PEAR1: variants seen among roughly 807,000 people sequenced by gnomAD.
PEAR1 encodes the protein platelet endothelial aggregation receptor 1, also known as multiple EGF-like domains protein 12.
PEAR1 carries 113 observed loss-of-function variants against 131.2 expected under a neutral mutation model. That is an observed-to-expected ratio of 0.86 (90% CI 0.74 to 1.01). The LOEUF (loss-of-function observed/expected upper bound fraction) is 1.01, where lower values mean the gene tolerates loss of function less well. Among genes scored for constraint, PEAR1 ranks in the 50% least tolerant of loss-of-function variants. The pLI is 0.00. For missense variants in PEAR1, 1,408 were observed against 1,391.1 expected (o/e 1.01, Z -0.19); for synonymous variants, 565 against 523.3 (o/e 1.08, Z -1.09).
chr1:156,904,623 C>T (rs544638837), intron 2 of PEAR1, 125 bp from the exon 3 acceptor site: 63 of 975,118 alleles, frequency 6.5e-5, no homozygotes, highest in African/African-American at 4.3e-4. Context: ...TCCTAGGCTA[C>T]GAGAGCAGCC....
chr1:156,913,169 C>A (rs748594873), intron 18 of PEAR1, 25 bp from the exon 19 acceptor site: 1 of 1,608,144 alleles, frequency 6.2e-7, no homozygotes, highest in Non-Finnish European at 8.5e-7. Flanking sequence ...GCTGAGCTCA[C>A]CCTGTGCTTG....
In PEAR1 at chr1:156,907,640, T is replaced by C; in HGVS notation, c.675T>C (p.Ser225=). The C allele has an allele frequency of 1.2e-6, 2 of 1,613,974 alleles. No homozygotes were observed. Among genetic ancestry groups the C allele is most frequent in the Non-Finnish European group, 1.7e-6 (2 of 1,179,876 alleles). ...SCDVSCSQGT[S]GFFCPSTHSC... ...ACGTGTCCTGTTCCCAGGGCACTTCTGGCTTCTTCTGCCCCAGCACCCATT... is the reference window on the plus strand; with the variant it reads ...ACGTGTCCTGTTCCCAGGGCACTTCCGGCTTCTTCTGCCCCAGCACCCATT... The change falls in exon 7 of 23, where the codon TCT becomes TCC. Residue 225 remains serine, a synonymous_variant. Coordinates refer to ENST00000292357, the MANE Select transcript of PEAR1 (RefSeq NM_001080471.3).
chr1:156,911,717 A>G (rs1651230125), intron 15 of PEAR1, among the ~76,000 whole-genome samples: 1 of 152,212 alleles, frequency 6.6e-6, no homozygotes, highest in South Asian at 2.1e-4. Flanking sequence ...ATTAGTCCAA[A>G]AAAGCCAAGT....
At chr1:156,903,250 A>G (rs915280988) in intron 1 of PEAR1, among the ~76,000 whole-genome samples, 5 of 152,140 alleles carry the variant, frequency 3.3e-5, no homozygotes, top group Admixed American at 6.5e-5. Context: ...TAGAGCAGGA[A>G]ACCCCTGACA....
At chr1:156,910,799 G>T in intron 15 of PEAR1, 56 bp downstream of exon 15, 1 of 1,602,406 alleles carries the variant, frequency 6.2e-7, no homozygotes, top group Non-Finnish European at 8.5e-7. Context: ...GGGTGCTGAG[G>T]ACGGGAGGTC....
intron 14 of PEAR1, 91 bp from the exon 15 acceptor site, chr1:156,910,527 C>G: frequency 1.3e-6 from 2 of 1,569,120 alleles, no homozygotes; most frequent in Non-Finnish European, 1.7e-6. Context: ...AGACTAGTTA[C>G]TGCAGTGGGA....
At chr1:156,910,426 G>C (rs1353871030) in intron 14 of PEAR1, 46 bp downstream of exon 14, 2 of 1,555,512 alleles carry the variant, frequency 1.3e-6, no homozygotes, top group South Asian at 1.2e-5. Context: ...GCAGGGGGCA[G>C]TGTAGTGTCA....
chr1:156,905,272 G>C, intron 3 of PEAR1, 52 bp from the exon 4 acceptor site: 1 of 1,560,010 alleles, frequency 6.4e-7, no homozygotes. Context: ...GCCACACTGT[G>C]GTGAGTGCGG....
At position 156,908,937 on chromosome 1, in the gene PEAR1, T is replaced by A; in HGVS notation, c.1312T>A (p.Cys438Ser). The A allele has an allele frequency of 6.2e-7, 1 of 1,613,850 alleles. No individual in the cohort carries two copies. The highest frequency in any genetic ancestry group is 8.5e-7 in the Non-Finnish European group (1 of 1,179,964). ...GYTGPHCASL[C>S]PPDTYGVNCS... Reference sequence around the variant, plus strand: ...TCAGGGCCCTCACTGTGCTAGTCTTTGTCCTCCTGACACCTACGGTGTCAA... The same window carrying A: ...TCAGGGCCCTCACTGTGCTAGTCTTAGTCCTCCTGACACCTACGGTGTCAA... The change falls in exon 11 of 23, where the codon TGT becomes AGT. Residue 438 changes from cysteine to serine, a missense_variant. Coordinates refer to ENST00000292357, the MANE Select transcript of PEAR1 (RefSeq NM_001080471.3). This position sits in a 1 kb window ranked among gnomAD's most constrained non-coding sequence, Gnocchi z 4.2.
chr1:156,913,947 G>C lies in PEAR1; in HGVS notation c.2809G>C (p.Gly937Arg). ...TIRDLPSLPG[G>R]PRESSYMEMK... ...CCGGGACCTGCCCAGCTTGCCAGGG[G>C]GCCCCCGGGAGAGCAGCTACATGGA... is the stretch of plus-strand genomic sequence containing the variant. The change falls in exon 22 of 23, where the codon GGC becomes CGC. Residue 937 changes from glycine to arginine, a missense_variant. Transcript: ENST00000292357. The C allele has an allele frequency of 6.2e-7, 1 of 1,614,062 alleles. No homozygotes were observed. Among genetic ancestry groups the C allele is most frequent in the Non-Finnish European group, 8.5e-7 (1 of 1,180,020 alleles).
chr1:156,906,754 A>T lies in PEAR1; in HGVS notation c.518A>T (p.Asn173Ile). The T allele has an allele frequency of 6.2e-7, 1 of 1,614,150 alleles. No individual in the cohort carries two copies. Among genetic ancestry groups the T allele is most frequent in the Middle Eastern group, 1.6e-4 (1 of 6,062 alleles). ...CSCPSGLQPPNCLQPCTPGYY... is the reference protein window; with the variant it reads ...CSCPSGLQPPICLQPCTPGYY... Reference sequence around the variant, plus strand: ...TGCCCTTCTGGTCTGCAGCCCCCGAACTGCCTTCAGCCCTGTACCCCTGGC... The same window carrying T: ...TGCCCTTCTGGTCTGCAGCCCCCGATCTGCCTTCAGCCCTGTACCCCTGGC... Residue 173 changes from asparagine (N) to isoleucine (I), a missense_variant, in exon 6 of 23, where the codon AAC becomes ATC. By Grantham distance (149) the Asn-to-Ile change is moderately radical. Transcript: ENST00000292357.
At chr1:156,910,430 A>C (rs1167925746) in intron 14 of PEAR1, 50 bp downstream of exon 14, 16 of 1,552,950 alleles carry the variant, frequency 1.0e-5, no homozygotes, top group Non-Finnish European at 1.4e-5. Context: ...GGGGCAGTGT[A>C]GTGTCAGCTG....
Position 156,910,368 on chromosome 1 carries a change from T to G in PEAR1, c.1813T>G (p.Ser605Ala), listed in dbSNP as rs1418974076. Residue 605 changes from serine (S) to alanine (A), a missense_variant, in exon 14 of 23, where the codon TCC becomes GCC. Ser to Ala is a moderately conservative substitution (Grantham distance 99). Coordinates refer to ENST00000292357, the MANE Select transcript of PEAR1 (RefSeq NM_001080471.3). ...GTGTGCACCCGGATTCCGGGGCCCC[T>G]CCTGCCAGAGATGTGAGGCTCCCTA... The part of the protein sequence containing the change: ...CVCAPGFRGP[S>A]CQRSCQPGRY... 6.3e-7 allele frequency: 1 copy of G among 1,597,824 alleles called. No individual in the cohort carries two copies. Among genetic ancestry groups the G allele is most frequent in the South Asian group, 1.1e-5 (1 of 87,898 alleles).
At chr1:156,910,450 C>A (rs1041897355) in intron 14 of PEAR1, 70 bp downstream of exon 14, 1 of 1,544,884 alleles carries the variant, frequency 6.5e-7, no homozygotes, top group Non-Finnish European at 8.7e-7. Flanking sequence ...GCCAGAGCAC[C>A]CCTCCCCCCG....
At position 156,909,852 on chromosome 1, in the gene PEAR1, C is replaced by T; in HGVS notation, c.1513C>T (p.Gln505Ter). Residue 505 changes from glutamine (Q) to a stop codon, truncating the protein, a stop_gained, in exon 12 of 23, where the codon CAA becomes TAA. Coordinates refer to ENST00000292357, the MANE Select transcript of PEAR1 (RefSeq NM_001080471.3). LOFTEE classifies it high-confidence loss of function. The part of the protein sequence containing the change: ...QCAHEAVCSP[Q>*]TGACTCTPGW... ...TGCCCATGAGGCAGTCTGCAGCCCC[C>T]AAACTGGAGCCTGTACCTGCACCCC... 6.2e-7 allele frequency: 1 copy of T among 1,613,902 alleles called. No individual in the cohort carries two copies. Among genetic ancestry groups the T allele is most frequent in the Non-Finnish European group, 8.5e-7 (1 of 1,179,848 alleles).
In PEAR1 at chr1:156,902,838, A is replaced by T. The variant is rs1013146786; in HGVS notation, c.-9-1080A>T. 6.6e-6 allele frequency among the ~76,000 whole-genome samples: 1 copy of T among 152,114 alleles called. No individual in the cohort carries two copies. Among genetic ancestry groups the T allele is most frequent in the Admixed American group, 6.5e-5 (1 of 15,276 alleles). ...CTCTCCTGAGCTCAGGAGCTGAGGC[A>T]GCAGAGCCGTCTGAAGTGCTGGGAG... is the stretch of plus-strand genomic sequence containing the variant. On this transcript the variant is annotated intron_variant, in intron 1 of 22. Transcript: ENST00000292357. The surrounding 1 kb of genome is among the most constrained non-coding windows in gnomAD (Gnocchi z 4.3).
Position 156,908,141 on chromosome 1 carries a change from T to C in PEAR1, c.916T>C (p.Cys306Arg). ...CTAGGTGCCCAGGTGCCGGGAGGAG[T>C]GCCCGGTGGGCCGCTTTGGGCAGGA... ...GYTGDRCREECPVGRFGQDCA... is the reference protein window; with the variant it reads ...GYTGDRCREERPVGRFGQDCA... The change falls in exon 9 of 23, where the codon TGC becomes CGC. Residue 306 changes from cysteine (C) to arginine (R), a missense_variant. Physicochemically the swap from Cys to Arg is radical, Grantham distance 180. Transcript: ENST00000292357. The surrounding 1 kb of genome is among the most constrained non-coding windows in gnomAD (Gnocchi z 4.2). The C allele has an allele frequency of 6.3e-7, 1 of 1,597,494 alleles. No homozygotes were observed.
In PEAR1 at chr1:156,895,064, G is replaced by A. The variant is rs531690706; in HGVS notation, c.-10+1227G>A. ...GGCCTCTCCCACTCTTGAGGCCTCCGAAGGCCCACCCACCATGTTCCCCAC... is the reference window on the plus strand; with the variant it reads ...GGCCTCTCCCACTCTTGAGGCCTCCAAAGGCCCACCCACCATGTTCCCCAC... On this transcript the variant is annotated intron_variant, in intron 1 of 22. Transcript: ENST00000292357. Among the ~76,000 whole-genome samples the A allele has an allele frequency of 7.9e-5, 12 of 152,266 alleles. No individual in the cohort carries two copies. In the East Asian group the frequency reaches 1.2e-3, roughly 15 times the overall value.
Position 156,912,399 on chromosome 1 carries a change from G to A in PEAR1, c.2080+24G>A, listed in dbSNP as rs572356490. On this transcript the variant is annotated intron_variant, in intron 16 of 22. Transcript: ENST00000292357. ...AGGTACCAACAGAAGGGGAACTCCAGGCCCCTGCCTCCAACTTAACCCTTA... is the reference window on the plus strand; with the variant it reads ...AGGTACCAACAGAAGGGGAACTCCAAGCCCCTGCCTCCAACTTAACCCTTA... 1.6e-5 allele frequency: 26 copies of A among 1,608,576 alleles called. No homozygotes were observed. The East Asian group carries it at 5.4e-4, about 33-fold the overall frequency.
Sources: allele counts gnomAD v4.1 joint callset (sites outside exome capture counted in the v4.1 genomes callset), GRCh38; gene constraint gnomAD v4.1.1; non-coding constraint Gnocchi (gnomAD v3.1); transcripts MANE v1.5; gene names NCBI Gene and HGNC (gene_info 2026-07-23, HGNC 2026-07-21).